CYP2S1: variants seen among roughly 807,000 people sequenced by gnomAD.
CYP2S1 encodes the protein cytochrome P450 family 2 subfamily S member 1.
CYP2S1 carries 32 observed loss-of-function variants against 43.5 expected under a neutral mutation model. The observed-to-expected ratio is 0.74, with a 90% CI of 0.56 to 0.99. CYP2S1 has a LOEUF of 0.99. Ranked by LOEUF, CYP2S1 falls within the 50% of genes least tolerant of loss-of-function variation. The pLI, the probability that CYP2S1 is intolerant of heterozygous loss-of-function variation, is 0.00. For synonymous variants in CYP2S1, 283 were observed against 302.9 expected (o/e 0.93, Z 0.68); for missense variants, 575 against 673.9 (o/e 0.85, Z 1.62).
intron 6 of CYP2S1, among the ~76,000 whole-genome samples, chr19:41,201,722 A>G (rs185550036): frequency 9.6e-4 from 145 of 151,780 alleles, no homozygotes; most frequent in African/African-American, 3.5e-3. Flanking sequence ...AAAAGTGAGA[A>G]TTCTAGAGGG....
In CYP2S1 at chr19:41,194,544, C is replaced by T; in HGVS notation, c.178C>T (p.Leu60=). The change falls in exon 2 of 9, where the codon CTG becomes TTG. Residue 60 remains leucine (L), a splice_region_variant and synonymous_variant. Coordinates refer to ENST00000310054, the MANE Select transcript of CYP2S1 (RefSeq NM_030622.8). ...CCTCTTTCTTCCTCCCTACCCCCAG[C>T]TGAGTAAGAAGTACGGACCGGTGTT... is the stretch of plus-strand genomic sequence containing the variant. ...PGALYSGLMR[L]SKKYGPVFTI... is the part of the protein sequence containing the mutation. The T allele has an allele frequency of 1.3e-6, 2 of 1,576,664 alleles. No individual in the cohort carries two copies. The highest frequency in any genetic ancestry group is 1.7e-4 in the Middle Eastern group (1 of 5,936).
In CYP2S1 at chr19:41,198,639, C is replaced by G; in HGVS notation, c.654+17C>G. On this transcript the variant is annotated intron_variant, in intron 4 of 8. Coordinates refer to ENST00000310054, the MANE Select transcript of CYP2S1 (RefSeq NM_030622.8). This position sits in a 1 kb window ranked among gnomAD's most constrained non-coding sequence, Gnocchi z 4.9. The stretch of plus-strand genomic sequence containing the variant: ...GGGGGTCAGGTGAGTGGGTGGGACC[C>G]CTCTCCAACTACCTTCCCTGAAGGT... 6.2e-7 allele frequency: 1 copy of G among 1,613,842 alleles called. No homozygotes were observed. Among genetic ancestry groups the G allele is most frequent in the Non-Finnish European group, 8.5e-7 (1 of 1,179,886 alleles).
At position 41,193,319 on chromosome 19, in the gene CYP2S1, C is replaced by A. The variant is rs373031805; in HGVS notation, c.55C>A (p.Leu19Met). The A allele has an allele frequency of 8.2e-5, 126 of 1,541,718 alleles. No individual in the cohort carries two copies. The African/African-American group carries it at 8.9e-4, about 11-fold the overall frequency. The stretch of plus-strand genomic sequence containing the variant: ...GCTGGCGCTGGCGCTGCTCCTGCTG[C>A]TGACGCTGGCGCTGTCCGGGACCAG... ...LLLALALLLL[L>M]TLALSGTRAR... Residue 19 changes from leucine (L) to methionine (M), a missense_variant, in exon 1 of 9, where the codon CTG becomes ATG. Physicochemically the swap from Leu to Met is conservative, Grantham distance 15. Around this residue, in one of 2 missense-constraint regions of CYP2S1, gnomAD observed 353 missense variants for 367.6 expected, o/e 0.96. Coordinates refer to ENST00000310054, the MANE Select transcript of CYP2S1 (RefSeq NM_030622.8).
rs201452317 is a variant in CYP2S1, at chr19:41,197,896, G to A, written c.461G>A (p.Arg154Gln). The change falls in exon 3 of 9, where the codon CGG becomes CAG. Residue 154 changes from arginine (R) to glutamine (Q), a missense_variant. Physicochemically the swap from Arg to Gln is conservative, Grantham distance 43. Coordinates refer to ENST00000310054, the MANE Select transcript of CYP2S1 (RefSeq NM_030622.8). ...GAGGAGCTGATCCAGGCGGAGGCCC[G>A]GTGTCTGGTGGAGACATTCCAGGGG... Reference protein sequence around the residue: ...EGEELIQAEARCLVETFQGTE... With the variant: ...EGEELIQAEAQCLVETFQGTE... 2.8e-5 allele frequency: 45 copies of A among 1,613,496 alleles called. No homozygotes were observed. In the Admixed American group the frequency reaches 4.0e-4, roughly 14 times the overall value.
Position 41,205,963 on chromosome 19 carries a change from G to A in CYP2S1, c.1170G>A (p.Thr390=), listed in dbSNP as rs754290434. Residue 390 remains threonine (T), a synonymous_variant, in exon 8 of 9, where the codon ACG becomes ACA. Transcript: ENST00000310054. ...TCATTATTATTTCCCCTCAGGGCAC[G>A]GAGGTCTTCCCCCTCCTTGGCTCCA... is the stretch of plus-strand genomic sequence containing the variant. ...RFRGYTLPQG[T]EVFPLLGSIL... is the part of the protein sequence containing the mutation. 13 of 1,613,688 alleles carry A rather than the reference G, an allele frequency of 8.1e-6. No individual in the cohort carries two copies. The highest frequency in any genetic ancestry group is 3.3e-5 in the Admixed American group (2 of 59,906).
chr19:41,194,586 C>T lies in CYP2S1; in HGVS notation c.220C>T (p.Pro74Ser), dbSNP rs778318933. The T allele has an allele frequency of 1.2e-6, 2 of 1,610,022 alleles. No homozygotes were observed. Among genetic ancestry groups the T allele is most frequent in the Non-Finnish European group, 1.7e-6 (2 of 1,178,518 alleles). Reference protein sequence around the residue: ...YGPVFTIYLGPWRPVVVLVGQ... With the variant: ...YGPVFTIYLGSWRPVVVLVGQ... ...ACCGGTGTTCACCATCTACCTGGGA[C>T]CCTGGCGGCCTGTGGTGGTCCTGGT... Residue 74 changes from proline to serine, a missense_variant, in exon 2 of 9, where the codon CCC (proline) becomes TCC (serine). By Grantham distance (74) the Pro-to-Ser change is moderately conservative. Coordinates refer to ENST00000310054, the MANE Select transcript of CYP2S1 (RefSeq NM_030622.8).
rs1169978820 is a variant in CYP2S1, at chr19:41,193,333, G to C, written c.69G>C (p.Leu23=). Residue 23 remains leucine (L), a synonymous_variant, in exon 1 of 9, where the codon CTG becomes CTC. Coordinates refer to ENST00000310054, the MANE Select transcript of CYP2S1 (RefSeq NM_030622.8). ...LALLLLLTLA[L]SGTRARGHLP... ...TGCTCCTGCTGCTGACGCTGGCGCT[G>C]TCCGGGACCAGGGCCCGAGGCCACC... The C allele has an allele frequency of 1.7e-5, 26 of 1,540,654 alleles. No individual in the cohort carries two copies. Among genetic ancestry groups the C allele is most frequent in the Non-Finnish European group, 2.3e-5 (26 of 1,143,276 alleles).
intron 5 of CYP2S1, 137 bp from the exon 6 acceptor site, chr19:41,201,094 T>C: frequency 8.3e-7 from 1 of 1,198,156 alleles, no homozygotes; most frequent in Non-Finnish European, 1.1e-6. Flanking sequence ...AAAAGTCTAC[T>C]TCCCAACCTT....
chr19:41,197,961 G>A (rs1445409224), intron 3 of CYP2S1, 33 bp downstream of exon 3: 1 of 1,582,234 alleles, frequency 6.3e-7, no homozygotes, highest in African/African-American at 1.3e-5. Flanking sequence ...AGGGTCTCCA[G>A]CCGAGTGAAA....
intron 5 of CYP2S1, 48 bp from the exon 6 acceptor site, chr19:41,201,183 C>T (rs1344217995): frequency 8.1e-6 from 13 of 1,595,294 alleles, no homozygotes; most frequent in Non-Finnish European, 1.1e-5. Flanking sequence ...TGGACATTTA[C>T]TTCCCAAAGG....
chr19:41,197,194 C>T (rs2122154853), intron 2 of CYP2S1, among the ~76,000 whole-genome samples: 1 of 151,994 alleles, frequency 6.6e-6, no homozygotes, highest in East Asian at 1.9e-4. Context: ...GACCTCGTCT[C>T]AATAATAATA....
At chr19:41,203,372 A>G (rs1358004050) in intron 6 of CYP2S1, 78 bp from the exon 7 acceptor site, 1 of 1,440,082 alleles carries the variant, frequency 6.9e-7, no homozygotes, top group East Asian at 2.6e-5. Flanking sequence ...AACTACAGCT[A>G]TGCAAGCAGA....
intron 6 of CYP2S1, among the ~76,000 whole-genome samples, chr19:41,201,985 A>C (rs1213984085): frequency 6.6e-6 from 1 of 151,294 alleles, no homozygotes; most frequent in African/African-American, 2.4e-5. Flanking sequence ...TTTTATTTTT[A>C]TTTTTTTTAC....
At chr19:41,194,318 A>G (rs2033381564) in intron 1 of CYP2S1, among the ~76,000 whole-genome samples, 1 of 152,090 alleles carries the variant, frequency 6.6e-6, no homozygotes, top group African/African-American at 2.4e-5. Flanking sequence ...AGGGAACGAC[A>G]GGAAGTTGGG....
At chr19:41,200,751 C>T (rs2033477694) in intron 5 of CYP2S1, among the ~76,000 whole-genome samples, 1 of 152,118 alleles carries the variant, frequency 6.6e-6, no homozygotes. Context: ...ATAACAAAAA[C>T]ACAGAAAGTT....
intron 7 of CYP2S1, among the ~76,000 whole-genome samples, chr19:41,205,503 C>T (rs556487781): frequency 6.6e-6 from 1 of 150,540 alleles, no homozygotes; most frequent in African/African-American, 2.4e-5. Context: ...TCCTCCCTTC[C>T]TCCCTTCCTG....
At chr19:41,203,353 C>T in intron 6 of CYP2S1, 97 bp from the exon 7 acceptor site, 2 of 1,369,272 alleles carry the variant, frequency 1.5e-6, no homozygotes, top group South Asian at 1.6e-5. Context: ...ACCTGTCAGC[C>T]TCACCCCAAA....
rs1429124475 is a variant in CYP2S1 at position 41,203,508 on chromosome 19, G to C, written c.1035G>C (p.Gly345=). The C allele has an allele frequency of 6.2e-7, 1 of 1,604,758 alleles. No individual in the cohort carries two copies. Among genetic ancestry groups the C allele is most frequent in the South Asian group, 1.1e-5 (1 of 89,800 alleles). The change falls in exon 7 of 9, where the codon GGG becomes GGC. Residue 345 remains glycine (G), a synonymous_variant. Transcript: ENST00000310054. ...ELGAGQAPSL[G]DRTRLPYTDA... Reference sequence around the variant, plus strand: ...GGGCTGGCCAGGCACCAAGCCTAGGGGACCGTACCCGCCTCCCTTACACCG... The same window carrying C: ...GGGCTGGCCAGGCACCAAGCCTAGGCGACCGTACCCGCCTCCCTTACACCG...
intron 8 of CYP2S1, 36 bp from the exon 9 acceptor site, chr19:41,206,244 C>T: frequency 6.2e-7 from 1 of 1,609,644 alleles, no homozygotes; most frequent in African/African-American, 1.3e-5. Flanking sequence ...GTGAGGAATA[C>T]TGACTCAGCC....
Sources: gnomAD v4.1 joint callset for allele counts (sites outside exome capture counted in the v4.1 genomes callset) on GRCh38, gnomAD v4.1.1 for gene constraint, gnomAD v4.1.1 regional missense constraint, Gnocchi (gnomAD v3.1) non-coding constraint, MANE v1.5 for transcripts, NCBI Gene and HGNC (gene_info 2026-07-23, HGNC 2026-07-21) for gene names.